Variants in HIGD1A observed in about 807,000 individuals in gnomAD.
The protein encoded by HIGD1A is HIG1 domain family member 1A, mitochondrial.
A neutral mutation model predicts 11.3 loss-of-function variants in HIGD1A; 8 were observed. That is an observed-to-expected ratio of 0.71 (90% CI 0.42 to 1.28). HIGD1A has a LOEUF of 1.28. HIGD1A is among the 50% of genes most tolerant of loss of function. HIGD1A has a pLI of 0.01. For missense variants in HIGD1A, 107 were observed against 118.8 expected (o/e 0.90, Z 0.46); for synonymous variants, 32 against 38.4 (o/e 0.83, Z 0.62).
chr3:42,801,114 T>G (rs774030990), intron 1 of HIGD1A, among the ~76,000 whole-genome samples: 1 of 152,250 alleles, frequency 6.6e-6, no homozygotes, highest in Non-Finnish European at 1.5e-5. Context: ...CAAAGTTGTT[T>G]ACAGGTTTGG....
At position 42,794,189 on chromosome 3, in the gene HIGD1A, C is replaced by T. The variant is rs373231007; in HGVS notation, c.65G>A (p.Arg22Gln). ...TACGAATGGTGCCTCTTTAGCTTTTCGAATGAGTTTTGATCCCTGATCTTC... is the reference window on the plus strand; with the variant it reads ...TACGAATGGTGCCTCTTTAGCTTTTTGAATGAGTTTTGATCCCTGATCTTC... The part of the protein sequence containing the change: ...YEEDQGSKLI[R>Q]KAKEAPFVPV... Residue 22 changes from arginine to glutamine, a missense_variant, in exon 2 of 4, where the codon CGA (arginine) becomes CAA (glutamine). Arg to Gln is a conservative substitution (Grantham distance 43). Coordinates refer to ENST00000321331, the MANE Select transcript of HIGD1A (RefSeq NM_014056.4). 66 of 1,604,392 alleles carry T rather than the reference C, an allele frequency of 4.1e-5. No homozygotes were observed. The highest frequency in any genetic ancestry group is 1.9e-4 in the South Asian group (17 of 88,880).
At chr3:42,788,861 G>C (rs925174880) in intron 2 of HIGD1A, among the ~76,000 whole-genome samples, 1 of 151,458 alleles carries the variant, frequency 6.6e-6, no homozygotes, top group African/African-American at 2.4e-5. Context: ...CTGGGCGACA[G>C]AGCGGGACTG....
chr3:42,790,685 T>C (rs914505523), intron 2 of HIGD1A, among the ~76,000 whole-genome samples: 1 of 152,240 alleles, frequency 6.6e-6, no homozygotes, highest in East Asian at 1.9e-4. Context: ...TGAAAATCAG[T>C]AGATGCACCA....
At chr3:42,794,549 A>C (rs1700471350) in intron 1 of HIGD1A, among the ~76,000 whole-genome samples, 1 of 152,140 alleles carries the variant, frequency 6.6e-6, no homozygotes, top group Non-Finnish European at 1.5e-5. Context: ...AATAGTGAAA[A>C]ATTTTAAATT....
rs911400086 is a variant in HIGD1A, at chr3:42,784,013, T to G, written c.*1258A>C. 6.6e-6 allele frequency among the ~76,000 whole-genome samples: 1 copy of G among 150,560 alleles called. No individual in the cohort carries two copies. Among genetic ancestry groups the G allele is most frequent in the Non-Finnish European group, 1.5e-5 (1 of 67,914 alleles). On this transcript the variant is annotated 3_prime_UTR_variant, in exon 4 of 4. Coordinates refer to ENST00000321331, the MANE Select transcript of HIGD1A (RefSeq NM_014056.4). ...ATCACTTGAACCTGGGGGATGGAAGTTGCAGTGAGCCAAGATCGTGCCACT... is the reference window on the plus strand; with the variant it reads ...ATCACTTGAACCTGGGGGATGGAAGGTGCAGTGAGCCAAGATCGTGCCACT...
intron 1 of HIGD1A, among the ~76,000 whole-genome samples, chr3:42,803,710 A>T (rs1466246107): frequency 2.0e-5 from 3 of 152,242 alleles, no homozygotes; most frequent in Admixed American, 2.0e-4. Flanking sequence ...AATTTAAGAC[A>T]AAGGCGAATA....
Position 42,802,887 on chromosome 3 carries a change from A to T in HIGD1A, c.-23+1549T>A, listed in dbSNP as rs1319425975. On this transcript the variant is annotated intron_variant, in intron 1 of 3. Transcript: ENST00000321331. ...GATGTAAATTAGATTAAATTGGCAGATAAGAATTCTGATTAGAAAATTTAA... is the reference window on the plus strand; with the variant it reads ...GATGTAAATTAGATTAAATTGGCAGTTAAGAATTCTGATTAGAAAATTTAA... Among the ~76,000 whole-genome samples, 3 of 152,246 alleles carry T rather than the reference A, an allele frequency of 2.0e-5. No individual in the cohort carries two copies. In the East Asian group the frequency reaches 5.8e-4, roughly 29 times the overall value.
chr3:42,804,176 C>T, intron 1 of HIGD1A: 1 of 1,611,356 alleles, frequency 6.2e-7, no homozygotes, highest in Non-Finnish European at 8.5e-7. Context: ...ACTCACTCCA[C>T]AAGCTTCTGC....
intron 1 of HIGD1A, 172 bp from the exon 2 acceptor site, chr3:42,794,447 C>T: frequency 1.5e-6 from 1 of 647,614 alleles, no homozygotes; most frequent in Non-Finnish European, 2.4e-6. Context: ...TGTACAGTCA[C>T]TCTCAAGGGA....
In HIGD1A at chr3:42,784,094, T is replaced by A. The variant is rs1312731090; in HGVS notation, c.*1177A>T. Among the ~76,000 whole-genome samples, 2 of 147,606 alleles carry A rather than the reference T, an allele frequency of 1.4e-5. No homozygotes were observed. The highest frequency in any genetic ancestry group is 1.5e-5 in the Non-Finnish European group (1 of 66,812). On this transcript the variant is annotated 3_prime_UTR_variant, in exon 4 of 4. Transcript: ENST00000321331. ...CCGTCTCAAAAAAAAAAAAAAAAAA[T>A]TTATATGGATAATCAATAGAACAAA...
chr3:42,786,505 AT>A (rs771193869), intron 2 of HIGD1A, among the ~76,000 whole-genome samples: 2 of 152,184 alleles, frequency 1.3e-5, no homozygotes, highest in Non-Finnish European at 2.9e-5. Flanking sequence ...AATTTATTCC[AT>A]TTCCTCTCTG....
chr3:42,787,359 T>C (rs898855259), intron 2 of HIGD1A, among the ~76,000 whole-genome samples: 9 of 151,446 alleles, frequency 5.9e-5, no homozygotes, highest in Non-Finnish European at 1.2e-4. Flanking sequence ...CTTTGGGAGG[T>C]TGAGGCAGGT....
chr3:42,785,916 T>C (rs1388816842), intron 3 of HIGD1A, 112 bp downstream of exon 3: 5 of 907,958 alleles, frequency 5.5e-6, no homozygotes, highest in Non-Finnish European at 8.8e-6. Flanking sequence ...AAAATGAGTA[T>C]AAGTGATATT....
intron 1 of HIGD1A, among the ~76,000 whole-genome samples, chr3:42,796,389 T>C (rs920601937): frequency 6.6e-6 from 1 of 151,806 alleles, no homozygotes; most frequent in South Asian, 2.1e-4. Context: ...ATCTGAATAA[T>C]ACAATATAAA....
chr3:42,792,673 CA>C (rs770734262), intron 2 of HIGD1A, among the ~76,000 whole-genome samples: 163 of 83,270 alleles, frequency 2.0e-3, no homozygotes, highest in Admixed American at 1.7e-3. Flanking sequence ...GACTCCGTTT[CA>C]AAAAAAAAAA....
At chr3:42,796,184 T>C (rs1559677713) in intron 1 of HIGD1A, among the ~76,000 whole-genome samples, 1 of 152,202 alleles carries the variant, frequency 6.6e-6, no homozygotes, top group African/African-American at 2.4e-5. Flanking sequence ...TTCATCCCTA[T>C]AAGCCTCACC....
rs554123930 is a variant in HIGD1A at position 42,802,880 on chromosome 3, T to C, written c.-23+1556A>G. On this transcript the variant is annotated intron_variant, in intron 1 of 3. Coordinates refer to ENST00000321331, the MANE Select transcript of HIGD1A (RefSeq NM_014056.4). ...CGCTGCTGATGTAAATTAGATTAAA[T>C]TGGCAGATAAGAATTCTGATTAGAA... Among the ~76,000 whole-genome samples, 42 of 152,308 alleles carry C rather than the reference T, an allele frequency of 2.8e-4. No individual in the cohort carries two copies. In the Middle Eastern group the frequency reaches 0.02, roughly 74 times the overall value.
At chr3:42,794,303 T>C in intron 1 of HIGD1A, 28 bp from the exon 2 acceptor site, 1 of 1,543,006 alleles carries the variant, frequency 6.5e-7, no homozygotes. Flanking sequence ...TGAGGTTCTG[T>C]AATTAAAAGC....
intron 2 of HIGD1A, among the ~76,000 whole-genome samples, chr3:42,788,594 A>G (rs186163934): frequency 3.7e-4 from 57 of 152,296 alleles, no homozygotes; most frequent in African/African-American, 1.1e-3. Context: ...TTAAGATAAC[A>G]TAAGAGGCTG....
Sources: gnomAD v4.1 joint callset for allele counts (sites outside exome capture counted in the v4.1 genomes callset) on GRCh38, gnomAD v4.1.1 for gene constraint, MANE v1.5 for transcripts, NCBI Gene and HGNC (gene_info 2026-07-23, HGNC 2026-07-21) for gene names.